ABCA13: variants seen among roughly 807,000 people sequenced by gnomAD.
The protein encoded by ABCA13 is ATP-binding cassette sub-family A member 13.
ABCA13 carries 476 observed loss-of-function variants against 478.7 expected under a neutral mutation model. The observed-to-expected ratio is 0.99, with a 90% CI of 0.92 to 1.07. The LOEUF is 1.07. Ranked by LOEUF, ABCA13 falls within the 50% of genes least tolerant of loss-of-function variation. The pLI is 0.00. For synonymous variants in ABCA13, 2,252 were observed against 2,158.9 expected, an observed-to-expected ratio of 1.04 and a Z score of -1.20; for missense variants, 6,060 against 5,910.6, an observed-to-expected ratio of 1.03 and a Z score of -0.83.
chr7:48,351,697 G>A (rs1456789372), intron 30 of ABCA13, among the ~76,000 whole-genome samples: 1 of 152,132 alleles, frequency 6.6e-6, no homozygotes, highest in African/African-American at 2.4e-5. Flanking sequence ...AGGTACTGGG[G>A]GTTAGGACTT....
chr7:48,394,814 T>C (rs1816607877), intron 38 of ABCA13, among the ~76,000 whole-genome samples: 1 of 152,140 alleles, frequency 6.6e-6, no homozygotes, highest in African/African-American at 2.4e-5. Flanking sequence ...TACTGCACCA[T>C]ATTTGTTTTA....
At chr7:48,179,391 C>T (rs1795336129) in intron 1 of ABCA13, among the ~76,000 whole-genome samples, 1 of 152,240 alleles carries the variant, frequency 6.6e-6, no homozygotes, top group South Asian at 2.1e-4. Context: ...CCTCTCCTCT[C>T]TCTGCTTCAT....
At chr7:48,183,178 T>C (rs1795924115) in intron 1 of ABCA13, among the ~76,000 whole-genome samples, 1 of 152,140 alleles carries the variant, frequency 6.6e-6, no homozygotes, top group South Asian at 2.1e-4. Flanking sequence ...TTTGAAAGGC[T>C]CTCTTTCTTT....
chr7:48,574,962 A>G (rs906158224), intron 55 of ABCA13, among the ~76,000 whole-genome samples: 1 of 152,184 alleles, frequency 6.6e-6, no homozygotes, highest in African/African-American at 2.4e-5. Flanking sequence ...AATATAGCAC[A>G]TGGATGGTAT....
chr7:48,517,583 T>G (rs1012202229), intron 52 of ABCA13, among the ~76,000 whole-genome samples: 6 of 152,188 alleles, frequency 3.9e-5, no homozygotes, highest in African/African-American at 1.4e-4. Context: ...CTTTCACTCC[T>G]GTCTCCTCCC....
rs776745525 is a variant in ABCA13, at chr7:48,274,869, T to C, written c.5203T>C (p.Phe1735Leu). 21 of 1,613,840 alleles carry C rather than the reference T, an allele frequency of 1.3e-5. No individual in the cohort carries two copies. The highest frequency in any genetic ancestry group is 1.8e-5 in the Non-Finnish European group (21 of 1,179,864). Residue 1735 changes from phenylalanine (F) to leucine (L), a missense_variant, in exon 17 of 62, where the codon TTT (phenylalanine) becomes CTT (leucine). Physicochemically the swap from Phe to Leu is conservative, Grantham distance 22. Around this residue, in one of 3 missense-constraint regions of ABCA13, gnomAD observed 4,423 missense variants for 4,309.1 expected, o/e 1.03. Coordinates refer to ENST00000435803, the MANE Select transcript of ABCA13 (RefSeq NM_152701.5). ...TCATCTGCTGCAGCTCTCACGCCTG[T>C]TTCCTAAAGATGTTGTGGATGCTGT... The part of the protein sequence containing the change: ...VNHLLQLSRL[F>L]PKDVVDAVID...
rs184988416 is a variant in ABCA13, at chr7:48,345,156, T to C, written c.10205-5487T>C. On this transcript the variant is annotated intron_variant, in intron 29 of 61. Coordinates refer to ENST00000435803, the MANE Select transcript of ABCA13 (RefSeq NM_152701.5). The stretch of plus-strand genomic sequence containing the variant: ...ACTCACTTGTTTGTGGGGATGTTGG[T>C]GTAAACAAACCTACTGCACTGCCAG... Among the ~76,000 whole-genome samples the C allele has an allele frequency of 1.7e-3, 262 of 152,360 alleles. 1 individual carries two copies. Among genetic ancestry groups the C allele is most frequent in the African/African-American group, 6.1e-3 (254 of 41,586 alleles).
intron 42 of ABCA13, among the ~76,000 whole-genome samples, chr7:48,451,938 G>A (rs1168820243): frequency 2.0e-5 from 3 of 152,140 alleles, no homozygotes; most frequent in Non-Finnish European, 4.4e-5. Context: ...GTCAAAGAAG[G>A]CAATTCATAA....
Position 48,590,598 on chromosome 7 carries a change from A to G in ABCA13, c.14640+3310A>G, listed in dbSNP as rs565643197. On this transcript the variant is annotated intron_variant, in intron 57 of 61. Coordinates refer to ENST00000435803, the MANE Select transcript of ABCA13 (RefSeq NM_152701.5). ...ATAATATGTGTACATTTACATTTCC[A>G]CCAATTGTGTATAAGGGTTCACTTT... Among the ~76,000 whole-genome samples, 18 of 152,180 alleles carry G rather than the reference A, an allele frequency of 1.2e-4. No homozygotes were observed. In the East Asian group the frequency reaches 3.5e-3, roughly 29 times the overall value.
intron 59 of ABCA13, among the ~76,000 whole-genome samples, chr7:48,629,405 C>G (rs150091820): frequency 6.6e-6 from 1 of 152,022 alleles, no homozygotes; most frequent in African/African-American, 2.4e-5. Context: ...TTGGGAGAAG[C>G]TTTTCTTACT....
chr7:48,536,066 C>A (rs1203886295), intron 55 of ABCA13, among the ~76,000 whole-genome samples: 2 of 152,168 alleles, frequency 1.3e-5, no homozygotes, highest in African/African-American at 4.8e-5. Context: ...TAGGGTAATT[C>A]TTGTAGCAAA....
intron 55 of ABCA13, among the ~76,000 whole-genome samples, chr7:48,535,101 G>A (rs752719437): frequency 1.2e-4 from 19 of 152,034 alleles, no homozygotes; most frequent in African/African-American, 3.6e-4. Flanking sequence ...TCATATTACC[G>A]GAATTGTTTT....
chr7:48,268,016 C>T (rs1795087429), intron 15 of ABCA13, among the ~76,000 whole-genome samples: 1 of 152,076 alleles, frequency 6.6e-6, no homozygotes, highest in Non-Finnish European at 1.5e-5. Flanking sequence ...AAATACTTCC[C>T]ACTCCTGAAG....
At position 48,505,400 on chromosome 7, in the gene ABCA13, A is replaced by G. The variant is rs1831113727; in HGVS notation, c.13292-936A>G. 3.3e-5 allele frequency among the ~76,000 whole-genome samples: 5 copies of G among 152,188 alleles called. 1 individual carries two copies. In the South Asian group the frequency reaches 1.0e-3, roughly 32 times the overall value. On this transcript the variant is annotated intron_variant, in intron 48 of 61. Coordinates refer to ENST00000435803, the MANE Select transcript of ABCA13 (RefSeq NM_152701.5). ...CAGTAAGGATTTAATGTGCTCTCATAAAGCAGTGCCGATAAGATAATACCG... is the reference window on the plus strand; with the variant it reads ...CAGTAAGGATTTAATGTGCTCTCATGAAGCAGTGCCGATAAGATAATACCG...
intron 55 of ABCA13, among the ~76,000 whole-genome samples, chr7:48,553,498 A>C (rs1203736545): frequency 6.6e-6 from 1 of 151,972 alleles, no homozygotes; most frequent in Non-Finnish European, 1.5e-5. Context: ...TTTTGGATAA[A>C]AGCCATTTTA....
intron 43 of ABCA13, among the ~76,000 whole-genome samples, chr7:48,464,983 G>C (rs1826705604): frequency 6.6e-6 from 1 of 152,126 alleles, no homozygotes; most frequent in South Asian, 2.1e-4. Context: ...CCAATCAAGT[G>C]TCCAGGATAT....
At chr7:48,457,477 A>G (rs537178443) in intron 43 of ABCA13, among the ~76,000 whole-genome samples, 1 of 152,238 alleles carries the variant, frequency 6.6e-6, no homozygotes, top group African/African-American at 2.4e-5. Flanking sequence ...TAATTTGGCG[A>G]TTATGTTTTT....
At chr7:48,226,381 C>T (rs559328328) in intron 5 of ABCA13, among the ~76,000 whole-genome samples, 1 of 152,172 alleles carries the variant, frequency 6.6e-6, no homozygotes, top group East Asian at 1.9e-4. Context: ...AGTTCTGAGA[C>T]CCTCTTTTCA....
chr7:48,516,535 C>T (rs1452516883), intron 51 of ABCA13, among the ~76,000 whole-genome samples, 190 bp from the exon 52 acceptor site: 1 of 152,122 alleles, frequency 6.6e-6, no homozygotes. Context: ...CTTAATCTCT[C>T]ACTGTGCCTA....
Sources: allele counts gnomAD v4.1 joint callset (sites outside exome capture counted in the v4.1 genomes callset), GRCh38; gene constraint gnomAD v4.1.1; regional missense constraint gnomAD v4.1.1; transcripts MANE v1.5; gene names NCBI Gene and HGNC (gene_info 2026-07-23, HGNC 2026-07-21).